HSPA12A: variants seen among roughly 807,000 people sequenced by gnomAD.
The protein encoded by HSPA12A is heat shock 70 kDa protein 12A.
Under a neutral mutation model 69.2 loss-of-function variants are expected in HSPA12A, and 28 were observed. That is an observed-to-expected ratio of 0.40 (90% CI 0.30 to 0.55). HSPA12A has a LOEUF of 0.55. HSPA12A is among the 20% of genes least tolerant of loss of function. The probability of loss-of-function intolerance (pLI) is 0.38; values close to 1 mark genes in which losing one functional copy is unlikely to be tolerated. For synonymous variants in HSPA12A, 345 were observed against 370.5 expected (o/e 0.93, Z 0.79); for missense variants, 686 against 900.7 (o/e 0.76, Z 3.05).
At chr10:116,697,151 T>C (rs1849931410) in intron 5 of HSPA12A, among the ~76,000 whole-genome samples, 1 of 152,224 alleles carries the variant, frequency 6.6e-6, no homozygotes, top group Non-Finnish European at 1.5e-5. Flanking sequence ...CACTTCTTCT[T>C]TGTCTCCCTC....
chr10:116,761,956 C>T (rs1843982361), intron 2 of HSPA12A, among the ~76,000 whole-genome samples: 2 of 152,178 alleles, frequency 1.3e-5, no homozygotes, highest in Non-Finnish European at 1.5e-5. Flanking sequence ...TTTCAATTTG[C>T]TTTCAATTAT....
chr10:116,759,176 T>C (rs1554889065), intron 2 of HSPA12A, among the ~76,000 whole-genome samples: 1 of 152,242 alleles, frequency 6.6e-6, no homozygotes, highest in Non-Finnish European at 1.5e-5. Flanking sequence ...CAAGAAAGTT[T>C]CTGTATCCAT....
intron 6 of HSPA12A, among the ~76,000 whole-genome samples, chr10:116,685,051 A>G (rs575694927): frequency 1.3e-5 from 2 of 152,302 alleles, no homozygotes; most frequent in East Asian, 1.9e-4. Flanking sequence ...AGCCCGATGG[A>G]CCACGGAAGA....
intron 2 of HSPA12A, among the ~76,000 whole-genome samples, chr10:116,801,728 G>T (rs1844960602): frequency 6.6e-6 from 1 of 151,472 alleles, no homozygotes; most frequent in African/African-American, 2.4e-5. Flanking sequence ...AAATATCATA[G>T]AACTATTCAC....
At chr10:116,771,543 C>T (rs1184348890) in intron 2 of HSPA12A, among the ~76,000 whole-genome samples, 1 of 152,192 alleles carries the variant, frequency 6.6e-6, no homozygotes, top group African/African-American at 2.4e-5. Flanking sequence ...GAATCATTTC[C>T]AGGGCCTAGA....
intron 2 of HSPA12A, among the ~76,000 whole-genome samples, chr10:116,787,471 C>T (rs1489923488): frequency 6.9e-6 from 1 of 145,950 alleles, no homozygotes; most frequent in Non-Finnish European, 1.5e-5. Flanking sequence ...AAACCACAGG[C>T]GCCTTCTGTG....
chr10:116,719,744 T>C (rs735413), intron 1 of HSPA12A, among the ~76,000 whole-genome samples: 121,662 of 152,182 alleles, frequency 0.8, 50,650 homozygotes, highest in Non-Finnish European at 0.92. Context: ...CATATTATCT[T>C]ATTAAACAAC....
At chr10:116,714,731 CA>C in intron 1 of HSPA12A, among the ~76,000 whole-genome samples, 1 of 152,214 alleles carries the variant, frequency 6.6e-6, no homozygotes, top group Admixed American at 6.5e-5. Flanking sequence ...AAGTCCACCC[CA>C]CCTTCCTCTG....
chr10:116,717,703 G>A (rs1266231938), intron 1 of HSPA12A, among the ~76,000 whole-genome samples: 1 of 152,126 alleles, frequency 6.6e-6, no homozygotes, highest in Non-Finnish European at 1.5e-5. Flanking sequence ...CGTTCCAACT[G>A]CTGCTGAAAA....
chr10:116,733,214 C>T (rs576163661), intron 1 of HSPA12A, among the ~76,000 whole-genome samples: 134 of 152,182 alleles, frequency 8.8e-4, no homozygotes, highest in African/African-American at 3.0e-3. Context: ...TCCCAGCCAG[C>T]GGAGATGGTC....
intron 1 of HSPA12A, among the ~76,000 whole-genome samples, chr10:116,843,848 A>G (rs1445770923): frequency 6.6e-6 from 1 of 152,224 alleles, no homozygotes; most frequent in Non-Finnish European, 1.5e-5. Context: ...TCAATACTGT[A>G]GCAATGATTA....
chr10:116,788,025 C>T (rs1424142455), intron 2 of HSPA12A, among the ~76,000 whole-genome samples: 5 of 152,150 alleles, frequency 3.3e-5, no homozygotes, highest in Non-Finnish European at 7.3e-5. Flanking sequence ...CAAGCCAATC[C>T]CTCCCTCGTG....
chr10:116,732,324 A>AAAAAAAAGAAAGAAAGAAAGAAAG (rs367920669), intron 1 of HSPA12A, among the ~76,000 whole-genome samples: 13 of 27,454 alleles, frequency 4.7e-4, no homozygotes, highest in African/African-American at 1.2e-3. Context: ...CGTCTCAAAA[A>AAAAAAAAGAAAGAAAGAAAGAAAG]AAACAAAGAA....
chr10:116,699,327 T>C (rs1447485188), intron 4 of HSPA12A, among the ~76,000 whole-genome samples: 1 of 152,184 alleles, frequency 6.6e-6, no homozygotes, highest in African/African-American at 2.4e-5. Flanking sequence ...AGCTGCTGAG[T>C]GTGGTCCCAG....
At chr10:116,742,244 G>A (rs572863809) in intron 1 of HSPA12A, among the ~76,000 whole-genome samples, 186 bp downstream of exon 1, 1 of 151,794 alleles carries the variant, frequency 6.6e-6, no homozygotes, top group Non-Finnish European at 1.5e-5. Flanking sequence ...GGCCGTCTCC[G>A]GTCCACCGGA....
chr10:116,738,576 A>T (rs1261915733), intron 1 of HSPA12A, among the ~76,000 whole-genome samples: 2 of 152,126 alleles, frequency 1.3e-5, no homozygotes, highest in African/African-American at 4.8e-5. Context: ...CCAGCCTCAC[A>T]GGGTTGCTGG....
chr10:116,712,888 T>C (rs1158030443), intron 1 of HSPA12A, among the ~76,000 whole-genome samples: 1 of 150,552 alleles, frequency 6.6e-6, no homozygotes, highest in African/African-American at 2.4e-5. Flanking sequence ...CAGTCCTTCT[T>C]GTTAGCTTTC....
chr10:116,775,937 G>T (rs1310079890), intron 2 of HSPA12A, among the ~76,000 whole-genome samples: 1 of 152,168 alleles, frequency 6.6e-6, no homozygotes, highest in African/African-American at 2.4e-5. Context: ...ACTAGACTGG[G>T]GGCAGCTGAG....
intron 10 of HSPA12A, among the ~76,000 whole-genome samples, chr10:116,677,414 G>A (rs1169655809): frequency 1.3e-5 from 2 of 152,218 alleles, no homozygotes; most frequent in African/African-American, 2.4e-5. Flanking sequence ...CCTTTCCATG[G>A]CGTAGGCCAA....
Sources: gnomAD v4.1 joint callset for allele counts (sites outside exome capture counted in the v4.1 genomes callset) on GRCh38, gnomAD v4.1.1 for gene constraint, MANE v1.5 for transcripts, NCBI Gene and HGNC (gene_info 2026-07-23, HGNC 2026-07-21) for gene names.